Variants in ITGB8 observed in about 807,000 individuals in gnomAD.
ITGB8 encodes the protein integrin subunit beta 8.
In ITGB8, 30 loss-of-function variants were observed where a neutral mutation model predicts 89.5. The ratio of observed to expected loss-of-function variants is 0.34; its 90% CI spans 0.25 to 0.45. ITGB8 has a LOEUF of 0.45. ITGB8 is among the 20% of genes least tolerant of loss of function. The pLI is 1.00. For missense variants in ITGB8, 836 were observed against 933.3 expected, an observed-to-expected ratio of 0.90 and a Z score of 1.36; for synonymous variants, 335 against 320.4, an observed-to-expected ratio of 1.05 and a Z score of -0.49.
chr7:20,389,311 T>A (rs1040429819), intron 6 of ITGB8, among the ~76,000 whole-genome samples: 1 of 152,210 alleles, frequency 6.6e-6, no homozygotes, highest in Non-Finnish European at 1.5e-5. Context: ...TTTTTAATGA[T>A]CGCCATTCTA....
At chr7:20,387,789 G>A (rs1399049068) in intron 6 of ITGB8, among the ~76,000 whole-genome samples, 1 of 152,156 alleles carries the variant, frequency 6.6e-6, no homozygotes, top group Non-Finnish European at 1.5e-5. Context: ...AGTTATCACA[G>A]TGCAACTATG....
chr7:20,402,217 AG>A (rs1787342387), intron 10 of ITGB8, 91 bp downstream of exon 10: 1 of 1,128,168 alleles, frequency 8.9e-7, no homozygotes, highest in South Asian at 2.0e-5. Flanking sequence ...TTTATAAATT[AG>A]CAAAACTGAA....
chr7:20,386,449 G>A (rs1463375872), intron 6 of ITGB8, among the ~76,000 whole-genome samples: 2 of 137,308 alleles, frequency 1.5e-5, no homozygotes, highest in Non-Finnish European at 3.1e-5. Context: ...TAGTAGAGAC[G>A]GGGTTTCACT....
At chr7:20,349,575 A>G (rs768234426) in intron 1 of ITGB8, among the ~76,000 whole-genome samples, 3 of 152,164 alleles carry the variant, frequency 2.0e-5, no homozygotes, top group African/African-American at 4.8e-5. Flanking sequence ...CAATCCATAC[A>G]AAAAAGTATT....
chr7:20,333,687 C>A (rs1005163852), intron 1 of ITGB8, among the ~76,000 whole-genome samples: 1 of 152,166 alleles, frequency 6.6e-6, no homozygotes, highest in East Asian at 1.9e-4. Context: ...ATGAATGGGC[C>A]TACTTGCACC....
Position 20,413,511 on chromosome 7 carries a change from G to A in ITGB8, c.*3514G>A, listed in dbSNP as rs1458431504. On this transcript the variant is annotated 3_prime_UTR_variant, in exon 14 of 14. Transcript: ENST00000222573. Reference sequence around the variant, plus strand: ...CCTGGTAGAGTAGATTAGACTCAAAGGCTTTTTCTTCCTTTTCTTACTCCT... The same window carrying A: ...CCTGGTAGAGTAGATTAGACTCAAAAGCTTTTTCTTCCTTTTCTTACTCCT... 3.9e-5 allele frequency: 6 copies of A among 152,396 alleles called. No individual in the cohort carries two copies. The highest frequency in any genetic ancestry group is 7.4e-5 in the Non-Finnish European group (5 of 67,930). 9.4% of individuals were successfully genotyped at this position (152,396 alleles called of 1,614,324 possible). A position where few individuals can be genotyped will look rare whatever the true frequency, so the allele number is the denominator to read the frequency against.
At position 20,413,157 on chromosome 7, in the gene ITGB8, C is replaced by G. The variant is rs1483289008; in HGVS notation, c.*3160C>G. ...GGAAACTTGCTAATATTTATTAAGT[C>G]ATAGACTTTTCTGGAGGACTTAAAA... On this transcript the variant is annotated 3_prime_UTR_variant, in exon 14 of 14. Coordinates refer to ENST00000222573, the MANE Select transcript of ITGB8 (RefSeq NM_002214.3). The G allele has an allele frequency of 6.6e-6, 1 of 151,936 alleles. No homozygotes were observed. Among genetic ancestry groups the G allele is most frequent in the Non-Finnish European group, 1.5e-5 (1 of 67,960 alleles). The allele number at this position is 151,936 out of a possible 1,614,324, so 9.4% of individuals were successfully genotyped here. A position where few individuals can be genotyped will look rare whatever the true frequency, so the allele number is the denominator to read the frequency against.
At chr7:20,408,227 G>A (rs1787623399) in intron 12 of ITGB8, among the ~76,000 whole-genome samples, 1 of 152,218 alleles carries the variant, frequency 6.6e-6, no homozygotes, top group African/African-American at 2.4e-5. Flanking sequence ...TCACTGTGGA[G>A]GCCTCAAAAG....
intron 1 of ITGB8, among the ~76,000 whole-genome samples, chr7:20,340,861 A>G (rs1183710022): frequency 6.6e-6 from 1 of 152,236 alleles, no homozygotes. Flanking sequence ...GAAAATAATT[A>G]AAAGGAAAAT....
chr7:20,381,897 G>T lies in ITGB8; in HGVS notation c.960+12G>T. ...AATCGACAACCATGGTAATGCAGCA[G>T]TAACCGCTTAGTAGATATGACTCTT... is the stretch of plus-strand genomic sequence containing the variant. On this transcript the variant is annotated intron_variant, in intron 6 of 13. Coordinates refer to ENST00000222573, the MANE Select transcript of ITGB8 (RefSeq NM_002214.3). 1 of 1,606,570 alleles carries T rather than the reference G, an allele frequency of 6.2e-7. No individual in the cohort carries two copies. Among genetic ancestry groups the T allele is most frequent in the Non-Finnish European group, 8.5e-7 (1 of 1,176,590 alleles).
rs1207499123 is a variant in ITGB8, at chr7:20,377,027, T to A, written c.389-2024T>A. 2.6e-5 allele frequency among the ~76,000 whole-genome samples: 4 copies of A among 152,172 alleles called. No homozygotes were observed. The East Asian group carries it at 7.7e-4, about 29-fold the overall frequency. On this transcript the variant is annotated intron_variant, in intron 3 of 13. Coordinates refer to ENST00000222573, the MANE Select transcript of ITGB8 (RefSeq NM_002214.3). ...AGACCGGAATTTGCTTGCTAGGCTA[T>A]GAGCAGCTGGTTTCTGCTGAGGGCC...
At chr7:20,356,524 T>C (rs138903061) in intron 1 of ITGB8, among the ~76,000 whole-genome samples, 2 of 152,338 alleles carry the variant, frequency 1.3e-5, no homozygotes, top group African/African-American at 4.8e-5. Flanking sequence ...TTACTTGTTT[T>C]ATTTTTTAAG....
chr7:20,396,059 C>T (rs944788639), intron 8 of ITGB8, among the ~76,000 whole-genome samples: 5 of 152,296 alleles, frequency 3.3e-5, no homozygotes, highest in Non-Finnish European at 7.4e-5. Flanking sequence ...AAAAACCTCT[C>T]GTTTCTCTTC....
At chr7:20,407,397 A>T (rs968121039) in intron 12 of ITGB8, among the ~76,000 whole-genome samples, 5 of 152,168 alleles carry the variant, frequency 3.3e-5, no homozygotes, top group African/African-American at 1.2e-4. Context: ...TTTAGAACCC[A>T]GAACCTTACT....
At chr7:20,340,409 G>A (rs1038287017) in intron 1 of ITGB8, among the ~76,000 whole-genome samples, 44 of 152,172 alleles carry the variant, frequency 2.9e-4, no homozygotes, top group African/African-American at 1.0e-3. Context: ...ATGAAGACAG[G>A]AGGATGAAAA....
upstream of ITGB8, chr7:20,330,588 C>T (rs1210975749): frequency 1.3e-5 from 2 of 152,322 alleles, no homozygotes; most frequent in Non-Finnish European, 2.9e-5. Flanking sequence ...CTATCAGAGC[C>T]AAGGGGGAAA....
upstream of ITGB8, chr7:20,330,732 G>C (rs1368834678): frequency 6.6e-6 from 1 of 152,240 alleles, no homozygotes; most frequent in Non-Finnish European, 1.5e-5. Flanking sequence ...CCTGCGGGCA[G>C]CCGAGGCGAG....
intron 12 of ITGB8, among the ~76,000 whole-genome samples, chr7:20,407,497 T>C (rs1431247752): frequency 6.6e-6 from 1 of 152,190 alleles, no homozygotes; most frequent in South Asian, 2.1e-4. Context: ...GCAACTATTA[T>C]TTCAAGTCTC....
At chr7:20,372,238 A>T (rs1019705870) in intron 3 of ITGB8, among the ~76,000 whole-genome samples, 46 of 152,230 alleles carry the variant, frequency 3.0e-4, no homozygotes, top group African/African-American at 1.1e-3. Context: ...ATACACTTCA[A>T]TGAGTTTAGC....
Sources: gnomAD v4.1 joint callset for allele counts (sites outside exome capture counted in the v4.1 genomes callset) on GRCh38, gnomAD v4.1.1 for gene constraint, MANE v1.5 for transcripts, NCBI Gene and HGNC (gene_info 2026-07-23, HGNC 2026-07-21) for gene names.